The following UNC13A variants were observed in gnomAD, a reference collection of about 807,000 sequenced individuals.
UNC13A encodes the protein unc-13 homolog A.
Under a neutral mutation model 219.7 loss-of-function variants are expected in UNC13A, and 61 were observed. The ratio of observed to expected loss-of-function variants is 0.28; its 90% confidence interval spans 0.23 to 0.34. The LOEUF (loss-of-function observed/expected upper bound fraction) is 0.34. UNC13A is among the 10% of genes least tolerant of loss of function. The pLI is 1.00. For synonymous variants in UNC13A, 920 were observed against 884.6 expected, an observed-to-expected ratio of 1.04 and a Z score of -0.71; for missense variants, 1,476 against 2,270.3, an observed-to-expected ratio of 0.65 and a Z score of 7.11.
chr19:17,682,492 T>G (rs1314071386), intron 1 of UNC13A, among the ~76,000 whole-genome samples: 1 of 152,168 alleles, frequency 6.6e-6, no homozygotes, highest in Non-Finnish European at 1.5e-5. Context: ...ATGCCCTTAT[T>G]GGCACCTTGC....
intron 16 of UNC13A, among the ~76,000 whole-genome samples, chr19:17,647,838 G>A (rs1289089644): frequency 6.8e-5 from 4 of 58,784 alleles, no homozygotes; most frequent in East Asian, 1.2e-3. Context: ...CTGAATCTCC[G>A]CCCCCTCTCT....
rs556105602 is a variant in UNC13A, at chr19:17,623,527, C to T, written c.4203+15G>A. On this transcript the variant is annotated intron_variant, in intron 36 of 43. Coordinates refer to ENST00000519716, the MANE Select transcript of UNC13A (RefSeq NM_001080421.3). ...GAGGACGGACAGACAGACGGACAGA[C>T]GGGACTCTACTTACGATCATCTGTC... is the stretch of plus-strand genomic sequence containing the variant. The T allele has an allele frequency of 5.0e-5, 75 of 1,488,256 alleles. No individual in the cohort carries two copies. In the South Asian group the frequency reaches 7.5e-4, roughly 15 times the overall value. 92.2% of individuals were successfully genotyped at this position (1,488,256 alleles called of 1,614,324 possible).
intron 29 of UNC13A, 151 bp downstream of exon 29, chr19:17,630,503 G>A: frequency 8.0e-6 from 9 of 1,126,012 alleles, no homozygotes; most frequent in Non-Finnish European, 1.2e-5. Flanking sequence ...ACATTTTGTA[G>A]TTGATGAATG....
rs1935109074 is a variant in UNC13A at position 17,617,828 on chromosome 19, C to T, written c.4432G>A (p.Val1478Met). ...TCCAGGAAGGTCTTCTTGAGGCCCACGCCACCCGCGTGGAAATATTGCTGG... is the reference window on the plus strand; with the variant it reads ...TCCAGGAAGGTCTTCTTGAGGCCCATGCCACCCGCGTGGAAATATTGCTGG... ...TIKQYFHAGG[V>M]GLKKTFLEKS... Residue 1478 changes from valine (V) to methionine (M), a missense_variant, in exon 41 of 44, where the codon GTG (valine) becomes ATG (methionine). Physicochemically the swap from Val to Met is conservative, Grantham distance 21. Coordinates refer to ENST00000519716, the MANE Select transcript of UNC13A (RefSeq NM_001080421.3). The T allele has an allele frequency of 6.2e-6, 10 of 1,613,728 alleles. No individual in the cohort carries two copies. The highest frequency in any genetic ancestry group is 1.7e-5 in the Admixed American group (1 of 59,998).
intron 31 of UNC13A, among the ~76,000 whole-genome samples, chr19:17,628,657 A>T (rs561667896): frequency 6.6e-6 from 1 of 152,250 alleles, no homozygotes; most frequent in Non-Finnish European, 1.5e-5. Flanking sequence ...ACACATACTC[A>T]CACATACATA....
intron 25 of UNC13A, 109 bp downstream of exon 25, chr19:17,638,974 A>C (rs2076939560): frequency 1.5e-6 from 2 of 1,290,732 alleles, no homozygotes; most frequent in Admixed American, 2.9e-5. Flanking sequence ...TTATAGAAGA[A>C]GATACTGAGG....
intron 26 of UNC13A, among the ~76,000 whole-genome samples, chr19:17,635,200 C>A (rs1758984299): frequency 6.6e-6 from 1 of 151,882 alleles, no homozygotes; most frequent in Non-Finnish European, 1.5e-5. Flanking sequence ...AGGGTTTCAC[C>A]ATGTTGGCCA....
At chr19:17,620,750 A>G in intron 37 of UNC13A, 28 bp from the exon 38 acceptor site, 2 of 1,612,054 alleles carry the variant, frequency 1.2e-6, no homozygotes, top group South Asian at 1.1e-5. Flanking sequence ...TGGAGGTCAG[A>G]GTTCTGGTGA....
chr19:17,640,880 CTTT>C (rs10531732), intron 21 of UNC13A, among the ~76,000 whole-genome samples: 67 of 139,720 alleles, frequency 4.8e-4, no homozygotes, highest in Non-Finnish European at 5.8e-4. Context: ...TTCTTTCTTT[CTTT>C]TTTTTTTTTT....
Position 17,616,591 on chromosome 19 carries a change from C to T in UNC13A, c.4558+1111G>A, listed in dbSNP as rs1458100188. On this transcript the variant is annotated intron_variant, in intron 41 of 43. Transcript: ENST00000519716. ...GGGCAGGGGAGGCGCGGAGAGGGGA[C>T]GGCGAGTGAGAGGGAGGAAAAACAA... 18 of 495,030 alleles carry T rather than the reference C, an allele frequency of 3.6e-5. No individual in the cohort carries two copies. In the East Asian group the frequency reaches 5.3e-4, roughly 15 times the overall value. 30.7% of individuals were successfully genotyped at this position (495,030 alleles called of 1,614,324 possible).
chr19:17,622,741 C>T, intron 36 of UNC13A: 1 of 153,762 alleles, frequency 6.5e-6, no homozygotes. Context: ...CGGCTCACTG[C>T]AACCTCTGCT....
intron 2 of UNC13A, 29 bp downstream of exon 2, chr19:17,675,983 G>A (rs7251241): frequency 0.24 from 372,546 of 1,549,930 alleles, 48,484 homozygotes; most frequent in Middle Eastern, 0.3. Flanking sequence ...CAGACAACAC[G>A]GGACAGGACA....
rs993580137 is a variant in UNC13A, at chr19:17,674,470, C to T, written c.152+187G>A. Among the ~76,000 whole-genome samples, 3 of 151,958 alleles carry T rather than the reference C, an allele frequency of 2.0e-5. No individual in the cohort carries two copies. The highest frequency in any genetic ancestry group is 4.1e-4 in the South Asian group (2 of 4,828). The stretch of plus-strand genomic sequence containing the variant: ...GCAGCAGGGACTTGGCTGGTGGCTG[C>T]GGAGACCAAGGGAAGTGATTGGATT... On this transcript the variant is annotated intron_variant, in intron 3 of 43. Coordinates refer to ENST00000519716, the MANE Select transcript of UNC13A (RefSeq NM_001080421.3). This position sits in a 1 kb window ranked among gnomAD's most constrained non-coding sequence, Gnocchi z 5.0.
chr19:17,622,372 G>C (rs561639849), intron 36 of UNC13A: 6 of 155,764 alleles, frequency 3.9e-5, no homozygotes, highest in African/African-American at 7.2e-5. Context: ...TCACTCAAAG[G>C]GTTATCATGA....
chr19:17,631,557 T>C (rs2145006795), intron 28 of UNC13A, among the ~76,000 whole-genome samples: 1 of 152,034 alleles, frequency 6.6e-6, no homozygotes, highest in Admixed American at 6.5e-5. Context: ...AACAGAAGAC[T>C]AGCCATCCTC....
chr19:17,618,886 A>C lies in UNC13A; in HGVS notation c.4329+20T>G. On this transcript the variant is annotated intron_variant, in intron 39 of 43. Transcript: ENST00000519716. ...TTTGGGGGGCAGTCCCTCACGCCAT[A>C]ATCTATCCCCACTCCTCACCTTGAG... 1.9e-6 allele frequency: 3 copies of C among 1,613,670 alleles called. No homozygotes were observed. Among genetic ancestry groups the C allele is most frequent in the Non-Finnish European group, 2.5e-6 (3 of 1,179,704 alleles).
intron 8 of UNC13A, among the ~76,000 whole-genome samples, chr19:17,661,465 G>T (rs1044196432): frequency 2.0e-5 from 3 of 151,656 alleles, no homozygotes; most frequent in Non-Finnish European, 1.5e-5. Context: ...AGGCCAAGGC[G>T]GGAGGATTGC....
At chr19:17,631,960 G>A (rs914459544) in intron 28 of UNC13A, among the ~76,000 whole-genome samples, 2 of 152,100 alleles carry the variant, frequency 1.3e-5, no homozygotes, top group Non-Finnish European at 2.9e-5. Context: ...GCCCCAGCTG[G>A]AATCCAGTGG....
intron 17 of UNC13A, among the ~76,000 whole-genome samples, 170 bp downstream of exon 17, chr19:17,647,095 G>A (rs2077035140): frequency 6.6e-6 from 1 of 152,218 alleles, no homozygotes; most frequent in Non-Finnish European, 1.5e-5. Context: ...ACAGGCGTTT[G>A]GAGGCACGCA....
Sources: allele counts gnomAD v4.1 joint callset (sites outside exome capture counted in the v4.1 genomes callset), GRCh38; gene constraint gnomAD v4.1.1; non-coding constraint Gnocchi (gnomAD v3.1); transcripts MANE v1.5; gene names NCBI Gene and HGNC (gene_info 2026-07-23, HGNC 2026-07-21).